The following NRP1 variants were observed in gnomAD, a reference collection of about 807,000 sequenced individuals.
NRP1 encodes neuropilin-1.
In NRP1, 35 loss-of-function variants were observed where a neutral mutation model predicts 106.7. The observed-to-expected ratio is 0.33, with a 90% confidence interval of 0.25 to 0.43. The LOEUF is 0.43. Among genes scored for constraint, NRP1 ranks in the 20% least tolerant of loss-of-function variants. NRP1 has a pLI of 1.00. For missense variants in NRP1, 1,024 were observed against 1,170.4 expected, an observed-to-expected ratio of 0.87 and a Z score of 1.83; for synonymous variants, 437 against 417.9, an observed-to-expected ratio of 1.05 and a Z score of -0.56.
chr10:33,179,898 G>C lies in NRP1; in HGVS notation c.*178C>G. The C allele has an allele frequency of 1.5e-6, 1 of 672,546 alleles. No homozygotes were observed. The highest frequency in any genetic ancestry group is 2.6e-6 in the Non-Finnish European group (1 of 383,630). The allele number at this position is 672,546 out of a possible 1,614,324, so 41.7% of individuals were successfully genotyped here. A position where few individuals can be genotyped will look rare whatever the true frequency, so the allele number is the denominator to read the frequency against. ...AAGCTGACTGCACATGAGTCCGATG[G>C]TGAACACAGCTCCTTGTCCATGTCT... is the stretch of plus-strand genomic sequence containing the variant. On this transcript the variant is annotated 3_prime_UTR_variant, in exon 17 of 17. Coordinates refer to ENST00000374867, the MANE Select transcript of NRP1 (RefSeq NM_003873.7).
intron 1 of NRP1, 125 bp from the exon 2 acceptor site, chr10:33,331,007 G>A (rs1215333118): frequency 5.2e-6 from 4 of 770,992 alleles, no homozygotes; most frequent in Non-Finnish European, 8.1e-6. Flanking sequence ...AAAGGTCCCC[G>A]TAAGTCCTTC....
intron 9 of NRP1, 65 bp from the exon 10 acceptor site, chr10:33,207,781 G>T: frequency 1.3e-6 from 2 of 1,562,724 alleles, no homozygotes; most frequent in Non-Finnish European, 1.7e-6. Flanking sequence ...TTTAGCAACT[G>T]TTTCTTCCCT....
chr10:33,198,552 G>A (rs1018755531), intron 11 of NRP1, among the ~76,000 whole-genome samples: 5 of 151,838 alleles, frequency 3.3e-5, no homozygotes, highest in East Asian at 1.9e-4. Context: ...CCCAGACGAC[G>A]CATGGCACAC....
At chr10:33,232,638 C>CTTTTTTT (rs71030049) in intron 6 of NRP1, among the ~76,000 whole-genome samples, 28 of 94,218 alleles carry the variant, frequency 3.0e-4, no homozygotes, top group African/African-American at 4.0e-4. Context: ...TTTTCTTTTC[C>CTTTTTTT]TTTTTTTTTT....
intron 6 of NRP1, among the ~76,000 whole-genome samples, chr10:33,237,802 C>T (rs1013890850): frequency 1.3e-5 from 2 of 151,954 alleles, no homozygotes; most frequent in African/African-American, 2.4e-5. Flanking sequence ...GTGATCTGCC[C>T]ACCTTGGCCT....
rs61242197 is a variant in NRP1 at position 33,306,355 on chromosome 10, GGT to G, written c.248+24351_248+24352del. Among the ~76,000 whole-genome samples, 513 of 148,118 alleles carry G rather than the reference GGT, an allele frequency of 3.5e-3. 1 individual carries two copies. The highest frequency in any genetic ancestry group is 9.7e-3 in the African/African-American group (390 of 40,230). The stretch of plus-strand genomic sequence containing the variant: ...GCTTTTGCATTCTGCGGGTCAGAAG[GGT>G]GTGTGTGTGTGTGTGTGTGTGTGTG... On this transcript the variant is annotated intron_variant, in intron 2 of 16. Coordinates refer to ENST00000374867, the MANE Select transcript of NRP1 (RefSeq NM_003873.7).
At chr10:33,220,919 A>AAAAAG in intron 8 of NRP1, among the ~76,000 whole-genome samples, 1 of 151,494 alleles carries the variant, frequency 6.6e-6, no homozygotes, top group Admixed American at 6.6e-5. Flanking sequence ...AAAAAAAAAA[A>AAAAAG]AAAAGAAAAA....
At chr10:33,194,496 T>C in intron 12 of NRP1, 2 of 259,594 alleles carry the variant, frequency 7.7e-6, no homozygotes, top group South Asian at 9.2e-5. Flanking sequence ...TTGGATATTT[T>C]TGAAATGACC....
At chr10:33,192,535 C>T in intron 12 of NRP1, 117 bp from the exon 13 acceptor site, 1 of 1,080,540 alleles carries the variant, frequency 9.3e-7, no homozygotes, top group Non-Finnish European at 1.3e-6. Context: ...AACTTTATGT[C>T]TGTTTGAAAA....
intron 2 of NRP1, among the ~76,000 whole-genome samples, chr10:33,308,601 C>T (rs1194179585): frequency 6.6e-6 from 1 of 151,954 alleles, no homozygotes; most frequent in Admixed American, 6.6e-5. Context: ...AGTCTCCTGC[C>T]TCAGCCTCTG....
At chr10:33,323,155 C>T (rs1478052894) in intron 2 of NRP1, among the ~76,000 whole-genome samples, 2 of 152,058 alleles carry the variant, frequency 1.3e-5, no homozygotes, top group East Asian at 3.9e-4. Flanking sequence ...AATGGCTTAC[C>T]TCAGGAGTTC....
chr10:33,235,703 C>T (rs1330644791), intron 6 of NRP1, among the ~76,000 whole-genome samples: 1 of 152,192 alleles, frequency 6.6e-6, no homozygotes, highest in Non-Finnish European at 1.5e-5. Flanking sequence ...ACACTACATT[C>T]TGATAACAAA....
chr10:33,290,348 GTTT>G (rs10718716), intron 2 of NRP1, among the ~76,000 whole-genome samples: 161 of 135,786 alleles, frequency 1.2e-3, no homozygotes, highest in Non-Finnish European at 1.8e-3. Context: ...TTACCAAGAG[GTTT>G]TTTTTTTTTT....
At chr10:33,230,907 G>A (rs1283951000) in intron 6 of NRP1, among the ~76,000 whole-genome samples, 1 of 152,154 alleles carries the variant, frequency 6.6e-6, no homozygotes, top group Admixed American at 6.6e-5. Context: ...TAGATGAAAA[G>A]TTTTCTCCTT....
chr10:33,320,198 A>T (rs1847393808), intron 2 of NRP1, among the ~76,000 whole-genome samples: 2 of 151,962 alleles, frequency 1.3e-5, no homozygotes, highest in Non-Finnish European at 2.9e-5. Context: ...CTGTAGTCCC[A>T]GCTACTTGGG....
At chr10:33,259,639 T>C (rs1324451895) in intron 4 of NRP1, among the ~76,000 whole-genome samples, 2 of 152,182 alleles carry the variant, frequency 1.3e-5, no homozygotes, top group African/African-American at 2.4e-5. Flanking sequence ...AGGAGAGCTA[T>C]AATGATCATA....
intron 2 of NRP1, among the ~76,000 whole-genome samples, chr10:33,298,091 G>A (rs977105506): frequency 2.0e-5 from 3 of 152,152 alleles, no homozygotes; most frequent in African/African-American, 7.2e-5. Context: ...GCAAGTTTTT[G>A]AGATCTTGGG....
chr10:33,301,834 T>C (rs1343456362), intron 2 of NRP1, among the ~76,000 whole-genome samples: 1 of 152,242 alleles, frequency 6.6e-6, no homozygotes, highest in African/African-American at 2.4e-5. Flanking sequence ...AACATCTGTG[T>C]CATTCTTGGG....
chr10:33,279,268 T>C (rs1843935310), intron 2 of NRP1, among the ~76,000 whole-genome samples: 1 of 152,228 alleles, frequency 6.6e-6, no homozygotes, highest in Admixed American at 6.5e-5. Flanking sequence ...TGCTGGATTC[T>C]CTGCTCAGGG....
Sources: allele counts gnomAD v4.1 joint callset (sites outside exome capture counted in the v4.1 genomes callset), GRCh38; gene constraint gnomAD v4.1.1; transcripts MANE v1.5; gene names NCBI Gene and HGNC (gene_info 2026-07-23, HGNC 2026-07-21).